The following NUP210L variants were observed in gnomAD, a reference collection of about 807,000 sequenced individuals.
The protein encoded by NUP210L is nuclear pore membrane glycoprotein 210-like.
A neutral mutation model predicts 208.5 loss-of-function variants in NUP210L; 74 were observed. That is an observed-to-expected ratio of 0.35 (90% CI 0.29 to 0.43). NUP210L has a LOEUF of 0.43. NUP210L is among the 20% of genes least tolerant of loss of function. The probability of loss-of-function intolerance (pLI) is 1.00; values close to 1 mark genes in which losing one functional copy is unlikely to be tolerated. For missense variants in NUP210L, 1,843 were observed against 2,289.4 expected (o/e 0.81, Z 3.98); for synonymous variants, 780 against 816.9 (o/e 0.95, Z 0.77).
intron 10 of NUP210L, among the ~76,000 whole-genome samples, chr1:154,119,367 C>T (rs1657495340): frequency 1.3e-5 from 2 of 151,878 alleles, no homozygotes; most frequent in African/African-American, 4.8e-5. Context: ...GTGGGTGGAC[C>T]ACCTGAGGTC....
chr1:153,993,033 G>A (rs1355918782), exon 39 of NUP210L: 2 of 1,613,764 alleles, frequency 1.2e-6, no homozygotes, highest in Non-Finnish European at 1.7e-6. Flanking sequence ...GGTGTTCCTA[G>A]AGTTGGTACA....
chr1:154,069,115 C>T (rs2148010171), intron 17 of NUP210L, among the ~76,000 whole-genome samples: 1 of 152,222 alleles, frequency 6.6e-6, no homozygotes, highest in Admixed American at 6.5e-5. Flanking sequence ...CTAGGCAATA[C>T]CATTCAGGAC....
chr1:154,058,839 C>G lies in NUP210L; in HGVS notation c.2851-146G>C, dbSNP rs1319374276. 104 of 713,982 alleles carry G rather than the reference C, an allele frequency of 1.5e-4. No individual in the cohort carries two copies. In the East Asian group the frequency reaches 2.9e-3, roughly 20 times the overall value. 44.2% of individuals were successfully genotyped at this position (713,982 alleles called of 1,614,324 possible). A position where few individuals can be genotyped will look rare whatever the true frequency, so the allele number is the denominator to read the frequency against. On this transcript the variant is annotated intron_variant, in intron 20 of 39. Coordinates refer to ENST00000368559, the Ensembl canonical transcript of NUP210L. ...CAGACGTCACGTAACATTATTCAGG[C>G]ATAGCATAATATGTACACTTAATGT...
At chr1:154,012,554 T>C (rs879328618) in intron 33 of NUP210L, among the ~76,000 whole-genome samples, 184 bp from the exon 34 acceptor site, 4 of 152,010 alleles carry the variant, frequency 2.6e-5, no homozygotes, top group Non-Finnish European at 5.9e-5. Flanking sequence ...TAACTTTTTT[T>C]TTTTTTTAAT....
At chr1:154,028,994 C>T (rs1319583189) in intron 28 of NUP210L, among the ~76,000 whole-genome samples, 1 of 150,448 alleles carries the variant, frequency 6.6e-6, no homozygotes, top group Non-Finnish European at 1.5e-5. Flanking sequence ...ACTCGGGAGG[C>T]TGAGGCAGGG....
chr1:154,099,862 A>T, intron 14 of NUP210L, 136 bp downstream of exon 14: 1 of 868,000 alleles, frequency 1.2e-6, no homozygotes, highest in Non-Finnish European at 1.8e-6. Context: ...AGATCTAAAA[A>T]CAAAAAAGTG....
At chr1:154,117,737 A>G in exon 12 of NUP210L, 1 of 1,609,658 alleles carries the variant, frequency 6.2e-7, no homozygotes, top group Non-Finnish European at 8.5e-7. Context: ...TAATTTCTCC[A>G]TATCGAAAGG....
chr1:154,055,223 T>C (rs892145718), intron 23 of NUP210L, among the ~76,000 whole-genome samples: 10 of 149,712 alleles, frequency 6.7e-5, no homozygotes, highest in East Asian at 3.9e-4. Context: ...CCCTCTCTCT[T>C]TCTTTCTTTC....
intron 12 of NUP210L, among the ~76,000 whole-genome samples, chr1:154,116,313 A>T (rs1657330379): frequency 6.6e-6 from 1 of 151,156 alleles, no homozygotes. Flanking sequence ...AGTCCCAGCT[A>T]CTCAGGAGGC....
intron 12 of NUP210L, among the ~76,000 whole-genome samples, chr1:154,111,305 C>A (rs550293923): frequency 6.6e-6 from 1 of 151,364 alleles, no homozygotes. Context: ...ATCACTTGAA[C>A]CCAGGAGGCA....
At chr1:154,056,174 CAG>C (rs1235981198) in intron 23 of NUP210L, among the ~76,000 whole-genome samples, 1 of 152,100 alleles carries the variant, frequency 6.6e-6, no homozygotes, top group African/African-American at 2.4e-5. Context: ...TTTTAAGAGA[CAG>C]GGTATCATTC....
chr1:154,055,151 CTTTCTTTCTTTCTT>C (rs1557944246), intron 23 of NUP210L, among the ~76,000 whole-genome samples: 2,278 of 118,946 alleles, frequency 0.019, 94 homozygotes, highest in African/African-American at 0.061. Context: ...TTCTTTCTTT[CTTTCTTTCTTTCTT>C]TCTTTCTTTC....
intron 36 of NUP210L, among the ~76,000 whole-genome samples, 192 bp downstream of exon 36, chr1:154,001,543 A>G (rs1024250982): frequency 2.6e-5 from 4 of 152,106 alleles, no homozygotes; most frequent in Non-Finnish European, 4.4e-5. Context: ...AAAGCTTATG[A>G]CCTAGATTTT....
At chr1:154,010,857 C>A (rs530210087) in intron 34 of NUP210L, among the ~76,000 whole-genome samples, 1 of 151,364 alleles carries the variant, frequency 6.6e-6, no homozygotes, top group Non-Finnish European at 1.5e-5. Context: ...GCAACAAGAG[C>A]GAAACTCCGT....
chr1:154,134,107 G>A (rs928434995), intron 7 of NUP210L, among the ~76,000 whole-genome samples: 2 of 144,942 alleles, frequency 1.4e-5, no homozygotes, highest in African/African-American at 5.1e-5. Context: ...CAGAAATCGC[G>A]CCACTGCACT....
At chr1:154,023,292 T>C (rs752603114) in exon 31 of NUP210L, 2 of 1,607,146 alleles carry the variant, frequency 1.2e-6, no homozygotes, top group Non-Finnish European at 1.7e-6. Context: ...ATGTCACCGG[T>C]GCTACCTGTG....
At position 154,155,076 on chromosome 1, in the gene NUP210L, C is replaced by T; in HGVS notation, c.-32G>A. 6.6e-7 allele frequency: 1 copy of T among 1,506,770 alleles called. No individual in the cohort carries two copies. Among genetic ancestry groups the T allele is most frequent in the Middle Eastern group, 1.7e-4 (1 of 5,854 alleles). 93.3% of individuals were successfully genotyped at this position (1,506,770 alleles called of 1,614,324 possible). On this transcript the variant is annotated 5_prime_UTR_variant, in exon 1 of 40. Coordinates refer to ENST00000368559, the Ensembl canonical transcript of NUP210L. ...TGCCAGGTCTCGGGTTCCCGCTCAACTACAGCCGGCTCACAGCTCCATCAG... is the reference window on the plus strand; with the variant it reads ...TGCCAGGTCTCGGGTTCCCGCTCAATTACAGCCGGCTCACAGCTCCATCAG...
intron 21 of NUP210L, 68 bp from the exon 22 acceptor site, chr1:154,058,284 A>T: frequency 6.5e-7 from 1 of 1,530,426 alleles, no homozygotes; most frequent in Non-Finnish European, 8.9e-7. Context: ...TAACTCTTAG[A>T]GGGCAGTGTA....
intron 15 of NUP210L, 142 bp downstream of exon 15, chr1:154,094,793 A>C: frequency 1.5e-6 from 1 of 663,492 alleles, no homozygotes; most frequent in Non-Finnish European, 2.5e-6. Context: ...GTTTTAGAAA[A>C]AACAATCATT....
Sources: allele counts gnomAD v4.1 joint callset (sites outside exome capture counted in the v4.1 genomes callset), GRCh38; gene constraint gnomAD v4.1.1; transcripts MANE v1.5; gene names NCBI Gene and HGNC (gene_info 2026-07-23, HGNC 2026-07-21).